RTTN: variants seen among roughly 807,000 people sequenced by gnomAD.
RTTN encodes rotatin.
In RTTN, 182 loss-of-function variants were observed where a neutral mutation model predicts 269.2. The observed-to-expected ratio is 0.68, with a 90% CI of 0.60 to 0.76. RTTN has a LOEUF of 0.76. RTTN is among the 30% of genes least tolerant of loss of function. The pLI is 0.00. For synonymous variants in RTTN, 1,006 were observed against 963.5 expected (o/e 1.04, Z -0.82); for missense variants, 2,545 against 2,608.6 (o/e 0.98, Z 0.53).
chr18:70,204,351 T>A, intron 2 of RTTN, 88 bp from the exon 3 acceptor site: 1 of 1,286,108 alleles, frequency 7.8e-7, no homozygotes, highest in Non-Finnish European at 1.1e-6. Flanking sequence ...ATTTTTGGTA[T>A]ATCAGATGTT....
intron 39 of RTTN, among the ~76,000 whole-genome samples, chr18:70,048,582 A>G (rs775576938): frequency 2.0e-5 from 3 of 151,924 alleles, no homozygotes; most frequent in Non-Finnish European, 4.4e-5. Context: ...TAAACTTGAA[A>G]AATTGGATTT....
intron 34 of RTTN, among the ~76,000 whole-genome samples, chr18:70,067,166 T>TA (rs1406688400): frequency 5.3e-5 from 8 of 151,292 alleles, no homozygotes; most frequent in East Asian, 1.9e-4. Flanking sequence ...CTTGTTTATT[T>TA]TTTTTTTTTT....
chr18:70,201,863 C>T (rs2061961180), intron 4 of RTTN, 31 bp downstream of exon 4: 1 of 1,371,108 alleles, frequency 7.3e-7, no homozygotes, highest in East Asian at 2.3e-5. Flanking sequence ...CTTCCCAAGT[C>T]AACAGGATTT....
At chr18:70,063,641 A>T (rs1354679159) in intron 35 of RTTN, among the ~76,000 whole-genome samples, 1 of 152,234 alleles carries the variant, frequency 6.6e-6, no homozygotes, top group African/African-American at 2.4e-5. Context: ...AAAATTGTCC[A>T]AACAATTTCA....
At chr18:70,055,482 G>A (rs1420932186) in intron 37 of RTTN, among the ~76,000 whole-genome samples, 3 of 152,010 alleles carry the variant, frequency 2.0e-5, no homozygotes, top group Non-Finnish European at 4.4e-5. Context: ...TGATGAATAC[G>A]TCCTCCCTTT....
Position 70,139,639 on chromosome 18 carries a change from C to A in RTTN, c.2748G>T (p.Ser916=), listed in dbSNP as rs765124195. Residue 916 remains serine (S), a synonymous_variant, in exon 21 of 49, where the codon TCG becomes TCT. Transcript: ENST00000640769. The part of the protein sequence containing the change: ...VLCGDPVMRV[S]LSQQSSLLTV... ...TCAAAAGAGAAGACTGTTGCGAGAG[C>A]GAAACACGCATGACTGGATCACCAC... The A allele has an allele frequency of 3.1e-6, 5 of 1,612,858 alleles. No individual in the cohort carries two copies. The highest frequency in any genetic ancestry group is 4.2e-6 in the Non-Finnish European group (5 of 1,179,244).
intron 38 of RTTN, chr18:70,053,466 G>T (rs1289693777): frequency 6.6e-6 from 1 of 152,136 alleles, no homozygotes; most frequent in Non-Finnish European, 1.5e-5. Flanking sequence ...CTGATGAGAT[G>T]CTGAGAACTG....
chr18:70,201,900 G>T lies in RTTN; in HGVS notation c.481C>A (p.Pro161Thr). Reference sequence around the variant, plus strand: ...CTTCCCGACATATACACACCCACTGGTCGTGGCGGCACTTCCATCTGCTGG... The same window carrying T: ...CTTCCCGACATATACACACCCACTGTTCGTGGCGGCACTTCCATCTGCTGG... ...NFQQMEVPPR[P>T]VVNQTVKCLK... Residue 161 changes from proline (P) to threonine (T), a missense_variant, in exon 4 of 49, where the codon CCA becomes ACA. Coordinates refer to ENST00000640769, the MANE Select transcript of RTTN (RefSeq NM_173630.4). 1 of 1,597,966 alleles carries T rather than the reference G, an allele frequency of 6.3e-7. No homozygotes were observed. Among genetic ancestry groups the T allele is most frequent in the Non-Finnish European group, 8.6e-7 (1 of 1,165,796 alleles).
At chr18:70,026,107 T>C (rs566183056) in intron 43 of RTTN, among the ~76,000 whole-genome samples, 14 of 152,366 alleles carry the variant, frequency 9.2e-5, no homozygotes, top group African/African-American at 3.4e-4. Context: ...GCCTCACATT[T>C]AATCTTTAGC....
intron 23 of RTTN, chr18:70,129,912 C>T (rs2059956129): frequency 7.5e-6 from 1 of 133,790 alleles, no homozygotes; most frequent in South Asian, 2.8e-4. Context: ...ATATAAGGAA[C>T]TCAAACAACT....
intron 28 of RTTN, among the ~76,000 whole-genome samples, chr18:70,107,812 A>G (rs1044846546): frequency 1.3e-5 from 2 of 152,200 alleles, no homozygotes; most frequent in African/African-American, 2.4e-5. Flanking sequence ...ATGAAAGGGG[A>G]CCTCACTACA....
intron 47 of RTTN, 190 bp downstream of exon 47, chr18:70,006,189 AAT>A (rs2056180228): frequency 8.1e-6 from 4 of 496,460 alleles, no homozygotes; most frequent in Non-Finnish European, 1.5e-5. Flanking sequence ...ATTCTGTTGA[AAT>A]GATTAAATAA....
At chr18:70,165,980 A>G (rs1395103403) in intron 14 of RTTN, 82 bp downstream of exon 14, 4 of 1,376,980 alleles carry the variant, frequency 2.9e-6, no homozygotes, top group Non-Finnish European at 4.0e-6. Context: ...ACAAAAGGTC[A>G]AGTAAATTAA....
At chr18:70,092,926 T>A in intron 28 of RTTN, 122 bp from the exon 29 acceptor site, 1 of 789,760 alleles carries the variant, frequency 1.3e-6, no homozygotes, top group Non-Finnish European at 1.8e-6. Flanking sequence ...TGTAATATTT[T>A]TAGTTTATAT....
chr18:70,205,606 C>G (rs1375688165), intron 1 of RTTN, 22 bp downstream of exon 1: 1 of 1,613,860 alleles, frequency 6.2e-7, no homozygotes, highest in Admixed American at 1.7e-5. Flanking sequence ...GTGCCTTGGG[C>G]GAGGGGCAAG....
At chr18:70,154,868 T>C (rs1018049992) in intron 14 of RTTN, among the ~76,000 whole-genome samples, 1 of 152,186 alleles carries the variant, frequency 6.6e-6, no homozygotes, top group Non-Finnish European at 1.5e-5. Context: ...ATTAAGATTA[T>C]AGACACAATT....
chr18:70,057,670 T>C, intron 37 of RTTN, 72 bp downstream of exon 37: 2 of 1,066,628 alleles, frequency 1.9e-6, no homozygotes, highest in African/African-American at 1.6e-5. Context: ...CTATGACTAG[T>C]ATCTCCTCAG....
intron 35 of RTTN, among the ~76,000 whole-genome samples, chr18:70,061,031 C>T (rs2057968902): frequency 6.6e-6 from 1 of 151,974 alleles, no homozygotes. Context: ...CCTATCTTGG[C>T]TATCACGAAT....
At chr18:70,067,902 A>C (rs2058187175) in intron 34 of RTTN, among the ~76,000 whole-genome samples, 1 of 152,240 alleles carries the variant, frequency 6.6e-6, no homozygotes, top group Non-Finnish European at 1.5e-5. Context: ...TCCTTAGTAT[A>C]GTCCACAGAA....
Sources: allele counts gnomAD v4.1 joint callset (sites outside exome capture counted in the v4.1 genomes callset), GRCh38; gene constraint gnomAD v4.1.1; transcripts MANE v1.5; gene names NCBI Gene and HGNC (gene_info 2026-07-23, HGNC 2026-07-21).